Variants in STK32C observed in about 807,000 individuals in gnomAD.
The protein encoded by STK32C is serine/threonine-protein kinase 32C.
A neutral mutation model predicts 56.5 loss-of-function variants in STK32C; 31 were observed. The observed-to-expected ratio is 0.55, with a 90% CI of 0.41 to 0.74. The LOEUF is 0.74. STK32C is among the 30% of genes least tolerant of loss of function. STK32C has a pLI of 0.00. For missense variants in STK32C, 544 were observed against 676.9 expected, an observed-to-expected ratio of 0.80 and a Z score of 2.18; for synonymous variants, 309 against 289.4, an observed-to-expected ratio of 1.07 and a Z score of -0.69.
chr10:132,327,508 C>T (rs935166666), intron 1 of STK32C, among the ~76,000 whole-genome samples: 2 of 151,324 alleles, frequency 1.3e-5, no homozygotes, highest in African/African-American at 2.4e-5. Flanking sequence ...CAGGGTCTTG[C>T]TCTGTCACCC....
intron 1 of STK32C, among the ~76,000 whole-genome samples, chr10:132,289,423 T>C (rs1189916376): frequency 6.6e-6 from 1 of 152,208 alleles, no homozygotes; most frequent in Non-Finnish European, 1.5e-5. Flanking sequence ...AGGACTTGAA[T>C]ACAGAATCGT....
rs139445943 is a variant in STK32C at position 132,303,418 on chromosome 10, A to G, written c.262+4154T>C. 7.6e-3 allele frequency among the ~76,000 whole-genome samples: 1,162 copies of G among 152,394 alleles called. 8 individuals carry two copies. Among genetic ancestry groups the G allele is most frequent in the Middle Eastern group, 0.027 (8 of 294 alleles). ...TAAAGGCAAGGCCGGACGCAGCCAC[A>G]AAGGCAGATGATGAATCTGACCACA... On this transcript the variant is annotated intron_variant, in intron 1 of 11. Coordinates refer to ENST00000298630, the MANE Select transcript of STK32C (RefSeq NM_173575.4).
intron 1 of STK32C, among the ~76,000 whole-genome samples, chr10:132,327,972 A>G (rs2066532592): frequency 6.6e-6 from 1 of 152,124 alleles, no homozygotes; most frequent in African/African-American, 2.4e-5. Context: ...AGAGTAGTGG[A>G]GAACAGCCAA....
chr10:132,242,499 C>A (rs867556748), intron 2 of STK32C, among the ~76,000 whole-genome samples: 9 of 152,096 alleles, frequency 5.9e-5, no homozygotes, highest in African/African-American at 1.9e-4. Flanking sequence ...CCAGCACAGC[C>A]CCCCTGCAGT....
At chr10:132,313,971 C>G (rs1183549905) in intron 1 of STK32C, among the ~76,000 whole-genome samples, 2 of 152,172 alleles carry the variant, frequency 1.3e-5, no homozygotes, top group East Asian at 3.9e-4. Flanking sequence ...CTCTTTCCCA[C>G]AAGAGTTCGC....
intron 10 of STK32C, among the ~76,000 whole-genome samples, chr10:132,209,816 G>A (rs2062233009): frequency 6.6e-6 from 1 of 152,204 alleles, no homozygotes; most frequent in Non-Finnish European, 1.5e-5. Flanking sequence ...GATGAGCCAA[G>A]TCACAGTGAA....
At chr10:132,290,431 A>G (rs1035997425) in intron 1 of STK32C, among the ~76,000 whole-genome samples, 1 of 152,238 alleles carries the variant, frequency 6.6e-6, no homozygotes, top group Non-Finnish European at 1.5e-5. Context: ...TCAGCAACAG[A>G]CAGAAACGTG....
chr10:132,214,083 A>T (rs973331822), intron 10 of STK32C, among the ~76,000 whole-genome samples: 1 of 152,174 alleles, frequency 6.6e-6, no homozygotes, highest in East Asian at 1.9e-4. Context: ...AGAGAAAGAG[A>T]ACAGAATATT....
chr10:132,276,292 A>T (rs779705678), intron 1 of STK32C, among the ~76,000 whole-genome samples: 40 of 152,226 alleles, frequency 2.6e-4, no homozygotes, highest in Non-Finnish European at 5.1e-4. Flanking sequence ...CAAGTCTGGG[A>T]TCGGCTGGCA....
At chr10:132,296,923 G>T (rs1005968317) in intron 1 of STK32C, among the ~76,000 whole-genome samples, 1 of 152,250 alleles carries the variant, frequency 6.6e-6, no homozygotes, top group Non-Finnish European at 1.5e-5. Flanking sequence ...CAGGGCCAGT[G>T]GGGAGACCAC....
At chr10:132,277,068 A>G (rs1192996056) in intron 1 of STK32C, among the ~76,000 whole-genome samples, 1 of 152,226 alleles carries the variant, frequency 6.6e-6, no homozygotes, top group Non-Finnish European at 1.5e-5. Flanking sequence ...GAAAGGCATT[A>G]TTTCTAGACA....
chr10:132,211,842 A>G (rs2814155), intron 10 of STK32C, among the ~76,000 whole-genome samples: 123,310 of 152,044 alleles, frequency 0.81, 50,187 homozygotes, highest in East Asian at 0.96. Context: ...TCCCCACAGG[A>G]TTTCCAGATT....
At chr10:132,253,104 G>A (rs1006942029) in intron 1 of STK32C, among the ~76,000 whole-genome samples, 8 of 152,194 alleles carry the variant, frequency 5.3e-5, no homozygotes, top group Non-Finnish European at 7.3e-5. Context: ...CCTCCCTAAC[G>A]CAGCATTTCC....
At chr10:132,253,831 C>G (rs1224443272) in intron 1 of STK32C, among the ~76,000 whole-genome samples, 1 of 152,222 alleles carries the variant, frequency 6.6e-6, no homozygotes, top group East Asian at 1.9e-4. Context: ...ACACTTTTCC[C>G]CAAGAATAAA....
At chr10:132,312,712 G>A (rs967020073), upstream of STK32C, among the ~76,000 whole-genome samples, 21 of 152,248 alleles carry the variant, frequency 1.4e-4, no homozygotes, top group Admixed American at 9.8e-4. Context: ...GGACAGACCC[G>A]CTCTTGGCCA....
chr10:132,215,489 G>A (rs920207828), intron 10 of STK32C, among the ~76,000 whole-genome samples: 1 of 143,442 alleles, frequency 7.0e-6, no homozygotes. Context: ...GAGATCTGAT[G>A]GTTTTAAAAA....
intron 10 of STK32C, among the ~76,000 whole-genome samples, chr10:132,221,947 ACCG>A (rs2062682086): frequency 8.2e-6 from 1 of 122,370 alleles, no homozygotes; most frequent in African/African-American, 3.2e-5. Context: ...CACAACTGAC[ACCG>A]ACACACCTGG....
intron 2 of STK32C, among the ~76,000 whole-genome samples, chr10:132,228,889 C>G (rs940659212): frequency 6.6e-6 from 1 of 152,236 alleles, no homozygotes; most frequent in Non-Finnish European, 1.5e-5. Context: ...TGGGGGCCAC[C>G]GCTGCCACCA....
chr10:132,302,606 C>T (rs1211917427), intron 1 of STK32C, among the ~76,000 whole-genome samples: 1 of 152,214 alleles, frequency 6.6e-6, no homozygotes, highest in Admixed American at 6.5e-5. Context: ...CAAGCGCCTG[C>T]ACTGTGGGGG....
Sources: allele counts gnomAD v4.1 joint callset (sites outside exome capture counted in the v4.1 genomes callset), GRCh38; gene constraint gnomAD v4.1.1; transcripts MANE v1.5; gene names NCBI Gene and HGNC (gene_info 2026-07-23, HGNC 2026-07-21).